Variants in ABLIM2 observed in about 807,000 individuals in gnomAD.
ABLIM2 encodes actin binding LIM protein family member 2, also known as actin-binding LIM protein 2.
A neutral mutation model predicts 97.7 loss-of-function variants in ABLIM2; 53 were observed. That is an observed-to-expected ratio of 0.54 (90% confidence interval 0.44 to 0.68). The LOEUF (loss-of-function observed/expected upper bound fraction) is 0.68, where lower values mean the gene tolerates loss of function less well. ABLIM2 is among the 30% of genes least tolerant of loss of function. The pLI is 0.00. For synonymous variants in ABLIM2, 361 were observed against 345.8 expected, an observed-to-expected ratio of 1.04 and a Z score of -0.49; for missense variants, 835 against 867.2, an observed-to-expected ratio of 0.96 and a Z score of 0.47.
In ABLIM2 at chr4:8,032,610, C is replaced by T; in HGVS notation, c.1048-2834G>A. 1 of 1,612,028 alleles carries T rather than the reference C, an allele frequency of 6.2e-7. No homozygotes were observed. Among genetic ancestry groups the T allele is most frequent in the Non-Finnish European group, 8.5e-7 (1 of 1,179,688 alleles). On this transcript the variant is annotated intron_variant, in intron 10 of 20. Transcript: ENST00000447017. The surrounding 1 kb of genome is among the most constrained non-coding windows in gnomAD (Gnocchi z 4.3). ...TATGTTTATAACCCAGGCAGCAGCG[C>T]CACGGCAAGCGGGGACAGGCGAGAG... is the stretch of plus-strand genomic sequence containing the variant.
chr4:8,020,506 G>A, intron 12 of ABLIM2: 1 of 659,088 alleles, frequency 1.5e-6, no homozygotes, highest in Non-Finnish European at 2.8e-6. Context: ...CCAACCCTGA[G>A]TTGAAGTCTG....
In ABLIM2 at chr4:8,032,877, C is replaced by A. The variant is rs930776707; in HGVS notation, c.1048-3101G>T. The stretch of plus-strand genomic sequence containing the variant: ...TCTCTTTGGAGAAACATGGTTAATT[C>A]TTCCCAGAGAAAGAGGCCCCCGGGG... On this transcript the variant is annotated intron_variant, in intron 10 of 20. Coordinates refer to ENST00000447017, the MANE Select transcript of ABLIM2 (RefSeq NM_001130083.2). The surrounding 1 kb of genome is among the most constrained non-coding windows in gnomAD (Gnocchi z 4.3). Among the ~76,000 whole-genome samples the A allele has an allele frequency of 3.9e-5, 6 of 152,148 alleles. No homozygotes were observed. Among genetic ancestry groups the A allele is most frequent in the Non-Finnish European group, 8.8e-5 (6 of 68,030 alleles).
chr4:8,099,998 T>C (rs921308933), intron 2 of ABLIM2, among the ~76,000 whole-genome samples: 2 of 152,196 alleles, frequency 1.3e-5, no homozygotes, highest in Non-Finnish European at 2.9e-5. Flanking sequence ...GCACAGACAC[T>C]GGCAGGAGGC....
chr4:8,073,728 A>T (rs1813956383), intron 6 of ABLIM2, among the ~76,000 whole-genome samples: 1 of 152,178 alleles, frequency 6.6e-6, no homozygotes, highest in Admixed American at 6.5e-5. Flanking sequence ...AGGCACAAAG[A>T]CCCTAAATAG....
rs1054213625 is a variant in ABLIM2 at position 8,021,313 on chromosome 4, G to A, written c.1268-1010C>T. Among the ~76,000 whole-genome samples, 8 of 152,238 alleles carry A rather than the reference G, an allele frequency of 5.3e-5. No individual in the cohort carries two copies. In the East Asian group the frequency reaches 1.2e-3, roughly 22 times the overall value. On this transcript the variant is annotated intron_variant, in intron 12 of 20. Coordinates refer to ENST00000447017, the MANE Select transcript of ABLIM2 (RefSeq NM_001130083.2). The surrounding 1 kb of genome is among the most constrained non-coding windows in gnomAD (Gnocchi z 5.5). Reference sequence around the variant, plus strand: ...AGAGGGCCGAGGTGACCTGGGTGACGCCCCTCCCCCCACACCTGTTTGGGG... The same window carrying A: ...AGAGGGCCGAGGTGACCTGGGTGACACCCCTCCCCCCACACCTGTTTGGGG...
intron 14 of ABLIM2, among the ~76,000 whole-genome samples, chr4:8,016,015 TAA>T (rs1768851873): frequency 6.6e-6 from 1 of 151,152 alleles, no homozygotes; most frequent in Non-Finnish European, 1.5e-5. Context: ...CTGTCTGTAA[TAA>T]GAGGTGATTT....
At chr4:7,982,878 A>G (rs888718926) in intron 20 of ABLIM2, among the ~76,000 whole-genome samples, 3 of 151,926 alleles carry the variant, frequency 2.0e-5, no homozygotes, top group African/African-American at 7.3e-5. Flanking sequence ...TAAGTTTTGT[A>G]TTTTTAGTAG....
rs1760771763 is a variant in ABLIM2 at position 8,005,636 on chromosome 4, G to T, written c.1618+2423C>A. 6.6e-6 allele frequency among the ~76,000 whole-genome samples: 1 copy of T among 152,184 alleles called. No individual in the cohort carries two copies. The highest frequency in any genetic ancestry group is 2.4e-5 in the African/African-American group (1 of 41,448). On this transcript the variant is annotated intron_variant, in intron 16 of 20. Coordinates refer to ENST00000447017, the MANE Select transcript of ABLIM2 (RefSeq NM_001130083.2). The surrounding 1 kb of genome is among the most constrained non-coding windows in gnomAD (Gnocchi z 4.9). ...TCCTCAGGAGGCCGCAGACGGCAAGGCTCACCTGATCCAGGCACAGCCGGC... is the reference window on the plus strand; with the variant it reads ...TCCTCAGGAGGCCGCAGACGGCAAGTCTCACCTGATCCAGGCACAGCCGGC...
chr4:8,152,123 C>T (rs907569126), intron 1 of ABLIM2, among the ~76,000 whole-genome samples: 3 of 152,140 alleles, frequency 2.0e-5, no homozygotes, highest in Non-Finnish European at 4.4e-5. Flanking sequence ...CACCAAGAAG[C>T]GCCATCATGA....
intron 18 of ABLIM2, among the ~76,000 whole-genome samples, chr4:7,984,341 C>A (rs541559221): frequency 5.9e-5 from 9 of 152,200 alleles, no homozygotes; most frequent in African/African-American, 1.9e-4. Flanking sequence ...CCCCGCCACT[C>A]GCGGGCACAG....
In ABLIM2 at chr4:8,036,145, A is replaced by C; in HGVS notation, c.1047+4T>G. On this transcript the variant is annotated splice_donor_region_variant and intron_variant, in intron 10 of 20. Transcript: ENST00000447017. Reference sequence around the variant, plus strand: ...GTCCAGGGCCATGTGGGCAGGGTCCATACCTCGCCGTAGCTCTGCCTGTCC... The same window carrying C: ...GTCCAGGGCCATGTGGGCAGGGTCCCTACCTCGCCGTAGCTCTGCCTGTCC... The C allele has an allele frequency of 1.9e-6, 3 of 1,613,720 alleles. No individual in the cohort carries two copies. The highest frequency in any genetic ancestry group is 2.5e-6 in the Non-Finnish European group (3 of 1,179,728).
In ABLIM2 at chr4:8,097,233, C is replaced by T. The variant is rs1832098687; in HGVS notation, c.204G>A (p.Glu68=). 1 of 1,576,714 alleles carries T rather than the reference C, an allele frequency of 6.3e-7. No homozygotes were observed. Among genetic ancestry groups the T allele is most frequent in the South Asian group, 1.2e-5 (1 of 85,892 alleles). Residue 68 remains glutamate (E), a synonymous_variant, in exon 3 of 21, where the codon GAG becomes GAA. Transcript: ENST00000447017. Reference sequence around the variant, plus strand: ...TCTGGTAGTCCAGCGTGCAGATGTACTCGCCCTGCCGCACGAAGAAGCCGC... The same window carrying T: ...TCTGGTAGTCCAGCGTGCAGATGTATTCGCCCTGCCGCACGAAGAAGCCGC... ...AEGGFFVRQG[E]YICTLDYQRL... is the part of the protein sequence containing the mutation.
rs1019511238 is a variant in ABLIM2 at position 8,155,944 on chromosome 4, C to T, written c.10+2736G>A. On this transcript the variant is annotated intron_variant, in intron 1 of 20. Transcript: ENST00000447017. The surrounding 1 kb of genome is among the most constrained non-coding windows in gnomAD (Gnocchi z 4.2). ...TGGAAGGAAGTAACCCAGCTGACACCTTGATCTCAGACTTCTGGCCTCTAG... is the reference window on the plus strand; with the variant it reads ...TGGAAGGAAGTAACCCAGCTGACACTTTGATCTCAGACTTCTGGCCTCTAG... Among the ~76,000 whole-genome samples the T allele has an allele frequency of 2.6e-5, 4 of 152,188 alleles. No homozygotes were observed. The highest frequency in any genetic ancestry group is 9.7e-5 in the African/African-American group (4 of 41,434).
chr4:8,045,372 C>A, intron 8 of ABLIM2, 131 bp from the exon 9 acceptor site: 2 of 835,056 alleles, frequency 2.4e-6, no homozygotes, highest in Admixed American at 2.0e-5. Context: ...GGGGCTGGGC[C>A]GGGCACGGCG....
chr4:7,981,475 G>A (rs758197879), intron 20 of ABLIM2, among the ~76,000 whole-genome samples: 7 of 152,074 alleles, frequency 4.6e-5, no homozygotes, highest in East Asian at 3.9e-4. Context: ...CCCAACCACC[G>A]TGGGCCCGTG....
At chr4:8,020,545 T>C (rs888829630) in intron 12 of ABLIM2, 16 of 613,378 alleles carry the variant, frequency 2.6e-5, no homozygotes, top group Middle Eastern at 2.5e-4. Flanking sequence ...AGGAGCGACA[T>C]TGCTGAGGGC....
intron 9 of ABLIM2, among the ~76,000 whole-genome samples, chr4:8,040,681 T>C (rs1787826201): frequency 6.6e-6 from 1 of 151,212 alleles, no homozygotes; most frequent in Non-Finnish European, 1.5e-5. Flanking sequence ...GCCCACCACA[T>C]CACATCATCT....
chr4:8,023,542 G>T lies in ABLIM2; in HGVS notation c.1268-3239C>A, dbSNP rs1775357501. ...GCGGATCACTGGCCGTGGCGGCCTTGCTGACCGGGTCATGCTCGTCAGCCA... is the reference window on the plus strand; with the variant it reads ...GCGGATCACTGGCCGTGGCGGCCTTTCTGACCGGGTCATGCTCGTCAGCCA... On this transcript the variant is annotated intron_variant, in intron 12 of 20. Transcript: ENST00000447017. This position sits in a 1 kb window ranked among gnomAD's most constrained non-coding sequence, Gnocchi z 5.7. 6.6e-6 allele frequency among the ~76,000 whole-genome samples: 1 copy of T among 152,234 alleles called. No individual in the cohort carries two copies. Among genetic ancestry groups the T allele is most frequent in the Non-Finnish European group, 1.5e-5 (1 of 68,050 alleles).
In ABLIM2 at chr4:8,122,302, G is replaced by A. The variant is rs555101436; in HGVS notation, c.11-15665C>T. Among the ~76,000 whole-genome samples the A allele has an allele frequency of 7.2e-5, 11 of 152,210 alleles. No individual in the cohort carries two copies. In the East Asian group the frequency reaches 1.2e-3, roughly 16 times the overall value. Reference sequence around the variant, plus strand: ...TGGAGAGGTCCCCCACTTTGTCCTCGGCTCCCATCCTCCATTTCCCAGGGG... The same window carrying A: ...TGGAGAGGTCCCCCACTTTGTCCTCAGCTCCCATCCTCCATTTCCCAGGGG... On this transcript the variant is annotated intron_variant, in intron 1 of 20. Transcript: ENST00000447017. This position sits in a 1 kb window ranked among gnomAD's most constrained non-coding sequence, Gnocchi z 4.1.
Sources: allele counts gnomAD v4.1 joint callset (sites outside exome capture counted in the v4.1 genomes callset), GRCh38; gene constraint gnomAD v4.1.1; non-coding constraint Gnocchi (gnomAD v3.1); transcripts MANE v1.5; gene names NCBI Gene and HGNC (gene_info 2026-07-23, HGNC 2026-07-21).